PCGF5: variants seen among roughly 807,000 people sequenced by gnomAD.
PCGF5 encodes the protein polycomb group RING finger protein 5.
In PCGF5, 9 loss-of-function variants were observed where a neutral mutation model predicts 44.3. The ratio of observed to expected loss-of-function variants is 0.20; its 90% CI spans 0.12 to 0.35. The LOEUF (loss-of-function observed/expected upper bound fraction) is 0.35. PCGF5 is among the 10% of genes least tolerant of loss of function. The pLI, the probability that PCGF5 is intolerant of heterozygous loss-of-function variation, is 1.00. For synonymous variants in PCGF5, 95 were observed against 102.5 expected (o/e 0.93, Z 0.44); for missense variants, 146 against 305.3 (o/e 0.48, Z 3.89).
At chr10:91,227,921 A>G in intron 2 of PCGF5, 6 of 981,030 alleles carry the variant, frequency 6.1e-6, no homozygotes, top group Non-Finnish European at 6.1e-6. Context: ...TAAGTGTCTC[A>G]ATAAAATCTT....
At chr10:91,258,134 G>C (rs1845802816) in intron 6 of PCGF5, among the ~76,000 whole-genome samples, 2 of 152,124 alleles carry the variant, frequency 1.3e-5, no homozygotes, top group African/African-American at 4.8e-5. Context: ...CAGGGGATGG[G>C]AGGAGGGAAG....
intron 8 of PCGF5, 52 bp downstream of exon 8, chr10:91,264,572 G>A: frequency 1.5e-6 from 2 of 1,339,394 alleles, no homozygotes; most frequent in Non-Finnish European, 2.1e-6. Context: ...ATACCATTAT[G>A]TTACTCAAAT....
intron 2 of PCGF5, chr10:91,227,534 C>T (rs142512146): frequency 4.1e-6 from 5 of 1,214,338 alleles, no homozygotes; most frequent in Non-Finnish European, 5.2e-6. Flanking sequence ...AAATCTGTCC[C>T]TTTAGTTTCA....
chr10:91,261,770 T>C (rs1398558044), intron 7 of PCGF5, among the ~76,000 whole-genome samples: 1 of 152,236 alleles, frequency 6.6e-6, no homozygotes, highest in Non-Finnish European at 1.5e-5. Context: ...TGAGATCCAT[T>C]ATTACCAATT....
At chr10:91,164,116 A>G (rs1843450145) in intron 1 of PCGF5, among the ~76,000 whole-genome samples, 1 of 151,654 alleles carries the variant, frequency 6.6e-6, no homozygotes, top group South Asian at 2.1e-4. Flanking sequence ...CGGGGTACAC[A>G]CACGCGCGCG....
chr10:91,161,500 A>G (rs1045931409), upstream of PCGF5, among the ~76,000 whole-genome samples: 2 of 152,320 alleles, frequency 1.3e-5, no homozygotes, highest in African/African-American at 4.8e-5. Context: ...TAGCCTAGGA[A>G]TTAGCTGTAA....
chr10:91,159,980 A>G (rs1045204685), upstream of PCGF5, among the ~76,000 whole-genome samples: 3 of 152,220 alleles, frequency 2.0e-5, no homozygotes, highest in Non-Finnish European at 1.5e-5. Context: ...TAATTATATA[A>G]ATCATATCTA....
intron 1 of PCGF5, among the ~76,000 whole-genome samples, chr10:91,214,424 G>C (rs1333646647): frequency 1.3e-5 from 2 of 152,300 alleles, no homozygotes; most frequent in Admixed American, 6.5e-5. Flanking sequence ...TATGTTGTAG[G>C]GGAGGGGAAA....
chr10:91,217,283 C>T (rs1335768249), upstream of PCGF5, among the ~76,000 whole-genome samples: 1 of 152,222 alleles, frequency 6.6e-6, no homozygotes, highest in Non-Finnish European at 1.5e-5. Flanking sequence ...CCACCCGCCT[C>T]GGCCTCCCGA....
intron 2 of PCGF5, among the ~76,000 whole-genome samples, chr10:91,226,208 T>C (rs1281891059): frequency 2.0e-5 from 3 of 150,374 alleles, no homozygotes; most frequent in Non-Finnish European, 4.4e-5. Flanking sequence ...AGCTTTATAA[T>C]TGGTGTGCAA....
Position 91,251,319 on chromosome 10 carries a change from A to G in PCGF5, c.353A>G (p.Lys118Arg), listed in dbSNP as rs1410498661. Residue 118 changes from lysine to arginine, a missense_variant, in exon 6 of 10, where the codon AAA becomes AGA. Around this residue, in one of 3 missense-constraint regions of PCGF5, gnomAD observed 123 missense variants for 268.6 expected, o/e 0.46. Coordinates refer to ENST00000336126, the MANE Select transcript of PCGF5 (RefSeq NM_032373.5). ...QDDTSKADKP[K>R]VDEEGDENED... ...GATACTTCAAAAGCTGACAAACCGA[A>G]AGTAGATGAAGAAGGTGATGAAAAT... 1 of 1,609,954 alleles carries G rather than the reference A, an allele frequency of 6.2e-7. No individual in the cohort carries two copies. Among genetic ancestry groups the G allele is most frequent in the African/African-American group, 1.3e-5 (1 of 74,846 alleles).
intron 7 of PCGF5, among the ~76,000 whole-genome samples, chr10:91,261,645 G>A (rs983512991): frequency 6.6e-6 from 1 of 152,120 alleles, no homozygotes; most frequent in Admixed American, 6.5e-5. Context: ...AATACATTTA[G>A]TGTTTTATAA....
rs144393625 is a variant in PCGF5, at chr10:91,168,677, C to T, written c.-184+5596C>T. On this transcript the variant is annotated intron_variant, in intron 1 of 9. Coordinates refer to the PCGF5 transcript ENST00000614189. ...GGCATGGTGGCTCACACCTGTAATC[C>T]CAGCACTTTGGGAGGCCGAGGTGGG... Among the ~76,000 whole-genome samples the T allele has an allele frequency of 5.2e-3, 794 of 152,042 alleles. 8 individuals are homozygous for T. The highest frequency in any genetic ancestry group is 0.018 in the African/African-American group (757 of 41,482).
At chr10:91,237,093 C>A (rs1845185337) in intron 2 of PCGF5, among the ~76,000 whole-genome samples, 1 of 152,160 alleles carries the variant, frequency 6.6e-6, no homozygotes, top group African/African-American at 2.4e-5. Context: ...TAATTTTAGA[C>A]AACTTGCTCA....
At chr10:91,159,935 T>C (rs1416819054), upstream of PCGF5, among the ~76,000 whole-genome samples, 4 of 152,366 alleles carry the variant, frequency 2.6e-5, no homozygotes, top group Admixed American at 6.5e-5. Context: ...CCAAACAATG[T>C]TGAAAATTCT....
At position 91,271,629 on chromosome 10, in the gene PCGF5, C is replaced by T; in HGVS notation, c.664-9C>T. On this transcript the variant is annotated splice_polypyrimidine_tract_variant and intron_variant, in intron 8 of 9. Transcript: ENST00000336126. Reference sequence around the variant, plus strand: ...TGCCTCTTATCTGATGAGTTCATCTCCTCCGCAGTTTCGGTGTCTGAACTG... The same window carrying T: ...TGCCTCTTATCTGATGAGTTCATCTTCTCCGCAGTTTCGGTGTCTGAACTG... 1 of 1,613,098 alleles carries T rather than the reference C, an allele frequency of 6.2e-7. No homozygotes were observed. Among genetic ancestry groups the T allele is most frequent in the Non-Finnish European group, 8.5e-7 (1 of 1,179,266 alleles).
At position 91,279,643 on chromosome 10, in the gene PCGF5, C is replaced by T. The variant is rs914503593; in HGVS notation, c.*1327C>T. ...TAAATCTTTTAATATTTACAGTTTT[C>T]AAAAACCTTACTTGGAAATTGCTTT... is the stretch of plus-strand genomic sequence containing the variant. On this transcript the variant is annotated 3_prime_UTR_variant, in exon 10 of 10. Transcript: ENST00000336126. 2 of 152,008 alleles carry T rather than the reference C, an allele frequency of 1.3e-5. No individual in the cohort carries two copies. The highest frequency in any genetic ancestry group is 2.9e-5 in the Non-Finnish European group (2 of 67,944). 9.4% of individuals were successfully genotyped at this position (152,008 alleles called of 1,614,324 possible). A position where few individuals can be genotyped will look rare whatever the true frequency, so the allele number is the denominator to read the frequency against.
chr10:91,222,993 C>A lies in PCGF5; in HGVS notation c.112+10C>A, dbSNP rs953109230. 1.4e-5 allele frequency: 21 copies of A among 1,527,040 alleles called. No homozygotes were observed. The highest frequency in any genetic ancestry group is 1.9e-5 in the Non-Finnish European group (21 of 1,100,996). The allele number at this position is 1,527,040 out of a possible 1,614,324, so 94.6% of individuals were successfully genotyped here. A position where few individuals can be genotyped will look rare whatever the true frequency, so the allele number is the denominator to read the frequency against. On this transcript the variant is annotated intron_variant, in intron 2 of 9. Coordinates refer to ENST00000336126, the MANE Select transcript of PCGF5 (RefSeq NM_032373.5). The stretch of plus-strand genomic sequence containing the variant: ...GAATGCCTCCATACATGTAAGTATT[C>A]TTTTAGGTTATTATACCTATCAAAG...
intron 8 of PCGF5, among the ~76,000 whole-genome samples, chr10:91,269,763 T>C (rs887828654): frequency 6.6e-6 from 1 of 152,176 alleles, no homozygotes; most frequent in Non-Finnish European, 1.5e-5. Flanking sequence ...TCCCCAACAC[T>C]GCATATCATC....
Sources: gnomAD v4.1 joint callset for allele counts (sites outside exome capture counted in the v4.1 genomes callset) on GRCh38, gnomAD v4.1.1 for gene constraint, gnomAD v4.1.1 regional missense constraint, MANE v1.5 for transcripts, NCBI Gene and HGNC (gene_info 2026-07-23, HGNC 2026-07-21) for gene names.